Variants in STMN2 observed in about 807,000 individuals in gnomAD.
The protein encoded by STMN2 is stathmin-2.
In STMN2, 2 loss-of-function variants were observed where a neutral mutation model predicts 24.1. The ratio of observed to expected loss-of-function variants is 0.08; its 90% CI spans 0.03 to 0.26. The LOEUF is 0.26. Among genes scored for constraint, STMN2 ranks in the 10% least tolerant of loss-of-function variants. The probability of loss-of-function intolerance (pLI) is 1.00; values close to 1 mark genes in which losing one functional copy is unlikely to be tolerated. For missense variants in STMN2, 114 were observed against 213.6 expected (o/e 0.53, Z 2.91); for synonymous variants, 83 against 77.5 (o/e 1.07, Z -0.37).
chr8:79,644,408 G>C (rs1810174774), intron 3 of STMN2, among the ~76,000 whole-genome samples: 1 of 152,210 alleles, frequency 6.6e-6, no homozygotes, highest in Admixed American at 6.5e-5. Flanking sequence ...AGCAGAAACA[G>C]AGCTTCTTTT....
At chr8:79,626,938 G>T (rs192202537) in intron 1 of STMN2, among the ~76,000 whole-genome samples, 6 of 152,098 alleles carry the variant, frequency 3.9e-5, no homozygotes, top group Admixed American at 3.3e-4. Flanking sequence ...AGAAAGAAAA[G>T]AAACTCCAAG....
At chr8:79,632,478 G>A (rs1449626566) in intron 1 of STMN2, among the ~76,000 whole-genome samples, 1 of 152,208 alleles carries the variant, frequency 6.6e-6, no homozygotes, top group Non-Finnish European at 1.5e-5. Flanking sequence ...GAAAAGTGGA[G>A]AGGGAGTGTG....
At chr8:79,640,315 G>A (rs1234010850) in intron 2 of STMN2, among the ~76,000 whole-genome samples, 5 of 152,094 alleles carry the variant, frequency 3.3e-5, no homozygotes, top group South Asian at 2.1e-4. Context: ...CTCTGCTTCC[G>A]TGAGTTCAAC....
chr8:79,660,361 G>A (rs1806477184), intron 4 of STMN2, among the ~76,000 whole-genome samples: 1 of 152,100 alleles, frequency 6.6e-6, no homozygotes, highest in African/African-American at 2.4e-5. Flanking sequence ...AAATACCAAA[G>A]GAGCTTTCAG....
chr8:79,656,633 G>A (rs1303220980), intron 4 of STMN2, among the ~76,000 whole-genome samples: 4 of 152,170 alleles, frequency 2.6e-5, no homozygotes, highest in South Asian at 2.1e-4. Context: ...CGCTTGACCA[G>A]TGCTCATAAC....
At chr8:79,627,963 T>C (rs942996258) in intron 1 of STMN2, among the ~76,000 whole-genome samples, 3 of 152,214 alleles carry the variant, frequency 2.0e-5, no homozygotes, top group Non-Finnish European at 2.9e-5. Flanking sequence ...TAGTATTCCA[T>C]TGTGTGTATG....
Position 79,654,868 on chromosome 8 carries a change from C to T in STMN2, c.289-3C>T, listed in dbSNP as rs781770320. On this transcript the variant is annotated splice_polypyrimidine_tract_variant and splice_region_variant and intron_variant, in intron 3 of 4. Coordinates refer to ENST00000220876, the MANE Select transcript of STMN2 (RefSeq NM_007029.4). ...ATAAGATGGCTATGTTTTTCTTCCCCAGTCTCAGGAGGCCCAGGTGCTGAA... is the reference window on the plus strand; with the variant it reads ...ATAAGATGGCTATGTTTTTCTTCCCTAGTCTCAGGAGGCCCAGGTGCTGAA... The T allele has an allele frequency of 1.2e-6, 2 of 1,608,884 alleles. No homozygotes were observed. Among genetic ancestry groups the T allele is most frequent in the Non-Finnish European group, 1.7e-6 (2 of 1,176,508 alleles).
rs755425173 is a variant in STMN2 at position 79,654,993 on chromosome 8, G to C, written c.411G>C (p.Leu137=). ...AGATGGCGGAGGAAAAGCTGATCCT[G>C]AAAATGGAACAAATTAAGGAAAACC... is the stretch of plus-strand genomic sequence containing the variant. ...FSKMAEEKLI[L]KMEQIKENRE... is the part of the protein sequence containing the mutation. Residue 137 remains leucine, a synonymous_variant, in exon 4 of 5, where the codon CTG becomes CTC. Coordinates refer to ENST00000220876, the MANE Select transcript of STMN2 (RefSeq NM_007029.4). The C allele has an allele frequency of 2.2e-5, 35 of 1,613,910 alleles. No homozygotes were observed. Among genetic ancestry groups the C allele is most frequent in the Non-Finnish European group, 3.0e-5 (35 of 1,179,954 alleles).
At chr8:79,639,081 G>A (rs549121066) in intron 2 of STMN2, among the ~76,000 whole-genome samples, 1 of 152,276 alleles carries the variant, frequency 6.6e-6, no homozygotes, top group Admixed American at 6.5e-5. Context: ...AAGGATCTGA[G>A]GTCAAGGCCT....
Position 79,654,977 on chromosome 8 carries a change from A to G in STMN2, c.395A>G (p.Glu132Gly). The G allele has an allele frequency of 6.2e-7, 1 of 1,614,034 alleles. No individual in the cohort carries two copies. The highest frequency in any genetic ancestry group is 8.5e-7 in the Non-Finnish European group (1 of 1,179,962). ...AACAACAACTTCAGCAAGATGGCGG[A>G]GGAAAAGCTGATCCTGAAAATGGAA... Reference protein sequence around the residue: ...EENNNFSKMAEEKLILKMEQI... With the variant: ...EENNNFSKMAGEKLILKMEQI... The change falls in exon 4 of 5, where the codon GAG becomes GGG. Residue 132 changes from glutamate to glycine, a missense_variant. Physicochemically the swap from Glu to Gly is moderately conservative, Grantham distance 98 (BLOSUM62 -2). Transcript: ENST00000220876.
chr8:79,635,910 TA>T (rs200956765), intron 1 of STMN2, among the ~76,000 whole-genome samples: 20 of 147,348 alleles, frequency 1.4e-4, no homozygotes, highest in South Asian at 2.2e-4. Flanking sequence ...AACTTGAAAT[TA>T]AAAAAAAAAG....
intron 1 of STMN2, among the ~76,000 whole-genome samples, chr8:79,628,118 A>G (rs1809703896): frequency 6.6e-6 from 1 of 152,046 alleles, no homozygotes; most frequent in Non-Finnish European, 1.5e-5. Flanking sequence ...ATATATACCC[A>G]GTAGTGGGAC....
At chr8:79,656,485 G>C (rs186115688) in intron 4 of STMN2, among the ~76,000 whole-genome samples, 1 of 152,294 alleles carries the variant, frequency 6.6e-6, no homozygotes, top group East Asian at 1.9e-4. Flanking sequence ...GATTTATGGC[G>C]GTATAGGAAC....
At chr8:79,656,314 C>T (rs1806359712) in intron 4 of STMN2, among the ~76,000 whole-genome samples, 1 of 152,090 alleles carries the variant, frequency 6.6e-6, no homozygotes, top group Admixed American at 6.6e-5. Context: ...GGGCAAGAAC[C>T]GGAATAGTTA....
intron 1 of STMN2, among the ~76,000 whole-genome samples, chr8:79,626,933 GA>G (rs1486952491): frequency 3.9e-5 from 6 of 151,928 alleles, no homozygotes; most frequent in Non-Finnish European, 7.4e-5. Flanking sequence ...AAGAAAGAAA[GA>G]AAAGAAACTC....
At chr8:79,660,478 C>T (rs1344080581) in intron 4 of STMN2, among the ~76,000 whole-genome samples, 1 of 152,108 alleles carries the variant, frequency 6.6e-6, no homozygotes, top group Non-Finnish European at 1.5e-5. Flanking sequence ...AATTGCTTCA[C>T]TATAATTCAT....
At chr8:79,648,621 C>T (rs564092914) in intron 3 of STMN2, among the ~76,000 whole-genome samples, 15 of 151,930 alleles carry the variant, frequency 9.9e-5, no homozygotes, top group African/African-American at 1.5e-4. Flanking sequence ...CACCACCACA[C>T]CCAGCTAATT....
In STMN2 at chr8:79,643,840, T is replaced by G. The variant is rs535179813; in HGVS notation, c.288+2290T>G. 3.2e-4 allele frequency among the ~76,000 whole-genome samples: 49 copies of G among 152,004 alleles called. No homozygotes were observed. In the South Asian group the frequency reaches 1.0e-2, roughly 31 times the overall value. On this transcript the variant is annotated intron_variant, in intron 3 of 4. Coordinates refer to ENST00000220876, the MANE Select transcript of STMN2 (RefSeq NM_007029.4). ...TGTTATGATGCCCAGAAAAAAAAAA[T>G]TCCTTAGAATGCTTTAAAAGCCGTA... is the stretch of plus-strand genomic sequence containing the variant.
intron 3 of STMN2, among the ~76,000 whole-genome samples, chr8:79,652,258 T>C (rs141139554): frequency 7.2e-5 from 11 of 152,248 alleles, no homozygotes; most frequent in Non-Finnish European, 8.8e-5. Flanking sequence ...TTCCTAATTC[T>C]TGGACACATT....
Sources: gnomAD v4.1 joint callset for allele counts (sites outside exome capture counted in the v4.1 genomes callset) on GRCh38, gnomAD v4.1.1 for gene constraint, MANE v1.5 for transcripts, NCBI Gene and HGNC (gene_info 2026-07-23, HGNC 2026-07-21) for gene names.